RASAL2: variants seen among roughly 807,000 people sequenced by gnomAD.
RASAL2 encodes the protein RAS protein activator like 2, also known as ras GTPase-activating protein nGAP.
RASAL2 carries 58 observed loss-of-function variants against 128.9 expected under a neutral mutation model. The ratio of observed to expected loss-of-function variants is 0.45; its 90% CI spans 0.36 to 0.56. The LOEUF is 0.56. Among genes scored for constraint, RASAL2 ranks in the 20% least tolerant of loss-of-function variants. The probability of loss-of-function intolerance (pLI) is 0.00; values close to 1 mark genes in which losing one functional copy is unlikely to be tolerated. For synonymous variants in RASAL2, 561 were observed against 580.8 expected (o/e 0.97, Z 0.49); for missense variants, 1,360 against 1,601.6 (o/e 0.85, Z 2.57).
At chr1:178,151,237 C>G (rs2101878514) in intron 1 of RASAL2, among the ~76,000 whole-genome samples, 2 of 152,166 alleles carry the variant, frequency 1.3e-5, no homozygotes, top group East Asian at 3.9e-4. Context: ...GAAACCCTGT[C>G]TCTACTAAAA....
intron 1 of RASAL2, 48 bp downstream of exon 1, chr1:178,094,742 T>C (rs759402092): frequency 6.2e-7 from 1 of 1,604,520 alleles, no homozygotes. Flanking sequence ...TATTTTTGCT[T>C]GGGCTGAAAT....
At chr1:178,219,648 GAA>G (rs1663550030) in intron 1 of RASAL2, among the ~76,000 whole-genome samples, 1 of 142,890 alleles carries the variant, frequency 7.0e-6, no homozygotes, top group East Asian at 2.0e-4. Context: ...AAAAAAAAAA[GAA>G]AGAAAGAAAG....
chr1:178,342,917 G>C (rs1364549878), intron 3 of RASAL2, among the ~76,000 whole-genome samples: 2 of 152,248 alleles, frequency 1.3e-5, no homozygotes, highest in East Asian at 3.9e-4. Context: ...AGGATCTTGA[G>C]AGCCGCAACA....
At chr1:178,292,633 C>T (rs981943957) in intron 2 of RASAL2, among the ~76,000 whole-genome samples, 1 of 152,158 alleles carries the variant, frequency 6.6e-6, no homozygotes, top group African/African-American at 2.4e-5. Context: ...GATACCAGCC[C>T]AGTTCAAAGA....
intron 1 of RASAL2, among the ~76,000 whole-genome samples, chr1:178,177,618 T>G (rs1661938984): frequency 6.6e-6 from 1 of 152,056 alleles, no homozygotes; most frequent in South Asian, 2.1e-4. Context: ...GGGATTAAAG[T>G]GGAAAAAGCA....
At chr1:178,416,446 TA>T (rs1674762560) in intron 4 of RASAL2, among the ~76,000 whole-genome samples, 1 of 152,054 alleles carries the variant, frequency 6.6e-6, no homozygotes, top group Non-Finnish European at 1.5e-5. Flanking sequence ...GACATAAGCA[TA>T]TATACATAAG....
chr1:178,279,594 A>ACC lies in RASAL2; in HGVS notation c.203-3964_203-3963dup, dbSNP rs112778134. ...GTCTGTGGAATGCTAGATCTCCAGG[A>ACC]CCCCCCCGATCTGATAGTTTAAAAC... On this transcript the variant is annotated intron_variant, in intron 1 of 17. Coordinates refer to ENST00000367649, the MANE Select transcript of RASAL2 (RefSeq NM_170692.4). Among the ~76,000 whole-genome samples the ACC allele has an allele frequency of 5.9e-5, 9 of 151,754 alleles. 1 individual carries two copies. In the East Asian group the frequency reaches 7.7e-4, roughly 13 times the overall value.
chr1:178,331,056 A>T (rs185933569), intron 3 of RASAL2, among the ~76,000 whole-genome samples: 1 of 152,250 alleles, frequency 6.6e-6, no homozygotes, highest in African/African-American at 2.4e-5. Flanking sequence ...CCAAGACACC[A>T]TAAGTAGTAA....
chr1:178,344,428 T>C (rs1670041964), intron 3 of RASAL2, among the ~76,000 whole-genome samples: 1 of 152,170 alleles, frequency 6.6e-6, no homozygotes, highest in Non-Finnish European at 1.5e-5. Flanking sequence ...GCTGGACATA[T>C]AAATTGTTCT....
chr1:178,245,405 C>T (rs1269899566), intron 1 of RASAL2, among the ~76,000 whole-genome samples: 2 of 152,210 alleles, frequency 1.3e-5, no homozygotes, highest in African/African-American at 4.8e-5. Flanking sequence ...ATATCCTTCA[C>T]CCACTTTTTG....
At chr1:178,459,492 A>G (rs917505623) in intron 14 of RASAL2, among the ~76,000 whole-genome samples, 5 of 152,176 alleles carry the variant, frequency 3.3e-5, no homozygotes, top group Non-Finnish European at 7.4e-5. Context: ...TTCTATGACA[A>G]ATCCTTTTAT....
In RASAL2 at chr1:178,390,098, A is replaced by G; in HGVS notation, c.458-2A>G. Reference sequence around the variant, plus strand: ...TGTTTCAACTTTCCTCCTTTTTTCCAGAGGTACCAGCAGAAAGGTCCCCTC... The same window carrying G: ...TGTTTCAACTTTCCTCCTTTTTTCCGGAGGTACCAGCAGAAAGGTCCCCTC... On this transcript the variant is annotated splice_acceptor_variant, in intron 3 of 17. Coordinates refer to ENST00000367649, the MANE Select transcript of RASAL2 (RefSeq NM_170692.4). LOFTEE classifies it high-confidence loss of function. 1 of 1,587,336 alleles carries G rather than the reference A, an allele frequency of 6.3e-7. No homozygotes were observed. The highest frequency in any genetic ancestry group is 8.5e-7 in the Non-Finnish European group (1 of 1,169,958).
chr1:178,452,732 G>C, intron 11 of RASAL2, 80 bp downstream of exon 11: 8 of 1,127,468 alleles, frequency 7.1e-6, no homozygotes, highest in Non-Finnish European at 1.1e-5. Flanking sequence ...AGGGTTGGGA[G>C]CCTCATCACT....
chr1:178,188,551 C>A (rs1662388248), intron 1 of RASAL2, among the ~76,000 whole-genome samples: 1 of 152,154 alleles, frequency 6.6e-6, no homozygotes, highest in South Asian at 2.1e-4. Context: ...ATGGCAGTTT[C>A]ATTTTTAGTA....
At chr1:178,225,847 G>C (rs1663767145) in intron 1 of RASAL2, among the ~76,000 whole-genome samples, 1 of 151,522 alleles carries the variant, frequency 6.6e-6, no homozygotes, top group African/African-American at 2.4e-5. Flanking sequence ...ATTTTTTATT[G>C]TGCTTTCTTT....
intron 3 of RASAL2, among the ~76,000 whole-genome samples, chr1:178,360,067 T>C (rs1175988752): frequency 6.6e-6 from 1 of 152,206 alleles, no homozygotes; most frequent in South Asian, 2.1e-4. Flanking sequence ...CTGATCTCTA[T>C]GATGGGGAGC....
intron 5 of RASAL2, among the ~76,000 whole-genome samples, chr1:178,434,114 A>C (rs746659190): frequency 6.6e-6 from 1 of 152,028 alleles, no homozygotes; most frequent in Non-Finnish European, 1.5e-5. Context: ...GGTTTGGTTT[A>C]GTTTCTGTTT....
intron 1 of RASAL2, among the ~76,000 whole-genome samples, chr1:178,194,986 A>C (rs77024410): frequency 0.087 from 13,305 of 152,244 alleles, 617 homozygotes; most frequent in Middle Eastern, 0.14. Context: ...GTGATTTAAG[A>C]ATTTTGAAGG....
At chr1:178,429,420 G>T (rs1237671063) in intron 5 of RASAL2, among the ~76,000 whole-genome samples, 1 of 152,022 alleles carries the variant, frequency 6.6e-6, no homozygotes, top group African/African-American at 2.4e-5. Flanking sequence ...TTCAAAAATT[G>T]TTTCTCACAA....
Sources: gnomAD v4.1 joint callset for allele counts (sites outside exome capture counted in the v4.1 genomes callset) on GRCh38, gnomAD v4.1.1 for gene constraint, MANE v1.5 for transcripts, NCBI Gene and HGNC (gene_info 2026-07-23, HGNC 2026-07-21) for gene names.